Variants in DAW1 observed in about 807,000 individuals in gnomAD.
DAW1 encodes dynein assembly factor with WD repeats 1, also known as dynein assembly factor with WD repeat domains 1.
Under a neutral mutation model 56.5 loss-of-function variants are expected in DAW1, and 47 were observed. The ratio of observed to expected loss-of-function variants is 0.83; its 90% confidence interval spans 0.66 to 1.06. DAW1 has a LOEUF of 1.06. DAW1 is among the 50% of genes least tolerant of loss of function. The pLI is 0.00. For synonymous variants in DAW1, 190 were observed against 179.0 expected, an observed-to-expected ratio of 1.06 and a Z score of -0.49; for missense variants, 505 against 499.3, an observed-to-expected ratio of 1.01 and a Z score of -0.11.
At chr2:227,917,507 G>T (rs909854478) in intron 10 of DAW1, among the ~76,000 whole-genome samples, 2 of 151,930 alleles carry the variant, frequency 1.3e-5, no homozygotes, top group African/African-American at 2.4e-5. Context: ...TGATCCTCCC[G>T]CCTCGGCCTC....
chr2:227,889,866 A>C lies in DAW1; in HGVS notation c.124A>C (p.Ser42Arg), dbSNP rs150347456. Reference protein sequence around the residue: ...LLDLGPSTDVSALVEEIQKAE... With the variant: ...LLDLGPSTDVRALVEEIQKAE... ...TTGGGTGTATTTCAGCACTGATGTC[A>C]GTGCGTTAGTAGAAGAAATCCAGAA... Residue 42 changes from serine (S) to arginine (R), a missense_variant, in exon 3 of 13, where the codon AGT (serine) becomes CGT (arginine). Physicochemically the swap from Ser to Arg is moderately radical, Grantham distance 110. Transcript: ENST00000309931. The C allele has an allele frequency of 1.9e-6, 3 of 1,595,464 alleles. No individual in the cohort carries two copies. The highest frequency in any genetic ancestry group is 2.6e-6 in the Non-Finnish European group (3 of 1,174,480).
chr2:227,874,032 T>C (rs1690817059), intron 1 of DAW1, among the ~76,000 whole-genome samples: 1 of 152,222 alleles, frequency 6.6e-6, no homozygotes, highest in African/African-American at 2.4e-5. Context: ...ATATAGAAAA[T>C]TTAAAATTAA....
chr2:227,889,946 G>C lies in DAW1; in HGVS notation c.204G>C (p.Gln68His). 6.2e-7 allele frequency: 1 copy of C among 1,603,678 alleles called. No individual in the cohort carries two copies. The change falls in exon 3 of 13, where the codon CAG becomes CAC. Residue 68 changes from glutamine (Q) to histidine (H), a missense_variant. Transcript: ENST00000309931. ...SRTEQVKLLI[Q>H]RLQEKLGQNS... is the part of the protein sequence containing the mutation. Reference sequence around the variant, plus strand: ...CAGAGCAAGTCAAACTTTTGATACAGAGGTTGCAAGAGAAACTCGGCCAGA... The same window carrying C: ...CAGAGCAAGTCAAACTTTTGATACACAGGTTGCAAGAGAAACTCGGCCAGA...
intron 1 of DAW1, among the ~76,000 whole-genome samples, chr2:227,879,347 T>C (rs1386069280): frequency 1.3e-5 from 2 of 152,172 alleles, no homozygotes; most frequent in Non-Finnish European, 2.9e-5. Flanking sequence ...TTTGTTTTGG[T>C]TTGTTTATTG....
intron 10 of DAW1, among the ~76,000 whole-genome samples, chr2:227,918,122 C>CTCCATCCATCCA (rs368790108): frequency 1.0e-5 from 1 of 97,320 alleles, no homozygotes; most frequent in Non-Finnish European, 2.4e-5. Flanking sequence ...CCATCCATTT[C>CTCCATCCATCCA]TCCATCCATC....
At chr2:227,899,161 T>G (rs1473838739) in intron 6 of DAW1, among the ~76,000 whole-genome samples, 1 of 152,190 alleles carries the variant, frequency 6.6e-6, no homozygotes, top group East Asian at 1.9e-4. Context: ...AGGCTGCTGC[T>G]CCTAATGATT....
intron 10 of DAW1, among the ~76,000 whole-genome samples, chr2:227,913,905 GT>G (rs1691889452): frequency 8.4e-6 from 1 of 118,350 alleles, no homozygotes; most frequent in East Asian, 2.1e-4. Flanking sequence ...CTGTCTGTCT[GT>G]CTGTCTGTCT....
chr2:227,891,154 G>C, intron 3 of DAW1, 101 bp from the exon 4 acceptor site: 1 of 1,037,248 alleles, frequency 9.6e-7, no homozygotes, highest in Non-Finnish European at 1.5e-6. Flanking sequence ...TGTTTCTGAT[G>C]TATAATTAAG....
intron 2 of DAW1, among the ~76,000 whole-genome samples, chr2:227,885,975 CTTTTT>C (rs10655811): frequency 7.6e-6 from 1 of 131,996 alleles, no homozygotes; most frequent in African/African-American, 2.8e-5. Context: ...TTTTTCTTTC[CTTTTT>C]TTTTTTTTTT....
At chr2:227,886,453 C>T (rs1267220907) in intron 2 of DAW1, among the ~76,000 whole-genome samples, 3 of 152,076 alleles carry the variant, frequency 2.0e-5, no homozygotes, top group South Asian at 2.1e-4. Context: ...TCCGTCTCTA[C>T]TAAAAATACA....
intron 6 of DAW1, among the ~76,000 whole-genome samples, chr2:227,901,524 G>A (rs187521698): frequency 1.3e-5 from 2 of 152,126 alleles, no homozygotes; most frequent in Admixed American, 1.3e-4. Context: ...ATAGAGTATG[G>A]AGAGGGACTG....
At chr2:227,882,745 C>T (rs1409827814) in intron 1 of DAW1, among the ~76,000 whole-genome samples, 3 of 152,204 alleles carry the variant, frequency 2.0e-5, no homozygotes, top group African/African-American at 4.8e-5. Context: ...GAGGTTCCCC[C>T]ATGCTGTTCT....
chr2:227,916,038 A>G (rs1691946534), intron 10 of DAW1, among the ~76,000 whole-genome samples: 1 of 152,138 alleles, frequency 6.6e-6, no homozygotes, highest in Non-Finnish European at 1.5e-5. Context: ...TCTAATAAAC[A>G]TCTGTGGCAT....
intron 6 of DAW1, among the ~76,000 whole-genome samples, chr2:227,899,617 A>G (rs114164321): frequency 6.6e-6 from 1 of 152,372 alleles, no homozygotes; most frequent in Non-Finnish European, 1.5e-5. Context: ...ACAAAGAGTG[A>G]CAGGTCTTTT....
chr2:227,895,078 T>C (rs987780497), intron 5 of DAW1, among the ~76,000 whole-genome samples: 6 of 152,222 alleles, frequency 3.9e-5, no homozygotes, highest in African/African-American at 1.4e-4. Context: ...CAATGTTCAA[T>C]TGGAAATCAC....
At chr2:227,921,674 C>G in intron 12 of DAW1, 113 bp downstream of exon 12, 1 of 1,168,358 alleles carries the variant, frequency 8.6e-7, no homozygotes, top group East Asian at 2.4e-5. Context: ...TCTGGAGTCA[C>G]TAGCTCATCT....
At chr2:227,915,811 C>T (rs1201486894) in intron 10 of DAW1, among the ~76,000 whole-genome samples, 1 of 152,086 alleles carries the variant, frequency 6.6e-6, no homozygotes, top group Admixed American at 6.6e-5. Flanking sequence ...ATATATAATG[C>T]TACACTGTAT....
chr2:227,904,864 T>G (rs1691642219), intron 7 of DAW1, 65 bp from the exon 8 acceptor site: 1 of 1,434,808 alleles, frequency 7.0e-7, no homozygotes, highest in East Asian at 2.4e-5. Context: ...TAGACTATGA[T>G]ATTGTACGCT....
rs55741229 is a variant in DAW1, at chr2:227,910,495, A to AACACACACACACACACACAC, written c.973+3254_973+3273dup. Among the ~76,000 whole-genome samples, 347 of 145,350 alleles carry AACACACACACACACACACAC rather than the reference A, an allele frequency of 2.4e-3. 3 individuals carry two copies. Among genetic ancestry groups the AACACACACACACACACACAC allele is most frequent in the South Asian group, 0.015 (64 of 4,374 alleles). On this transcript the variant is annotated intron_variant, in intron 10 of 12. Transcript: ENST00000309931. ...TTCTTGATGAATATATTTGTGGATG[A>AACACACACACACACACACAC]ACACACACACACACACACACACACA...
Sources: gnomAD v4.1 joint callset for allele counts (sites outside exome capture counted in the v4.1 genomes callset) on GRCh38, gnomAD v4.1.1 for gene constraint, MANE v1.5 for transcripts, NCBI Gene and HGNC (gene_info 2026-07-23, HGNC 2026-07-21) for gene names.